Variants in ASNS observed in about 807,000 individuals in gnomAD.
ASNS encodes the protein asparagine synthetase (glutamine-hydrolyzing).
In ASNS, 37 loss-of-function variants were observed where a neutral mutation model predicts 62.6. The ratio of observed to expected loss-of-function variants is 0.59; its 90% CI spans 0.45 to 0.78. The LOEUF (loss-of-function observed/expected upper bound fraction) is 0.78, where lower values mean the gene tolerates loss of function less well. Ranked by LOEUF, ASNS falls within the 30% of genes least tolerant of loss-of-function variation. ASNS has a pLI of 0.00. For missense variants in ASNS, 520 were observed against 682.4 expected, an observed-to-expected ratio of 0.76 and a Z score of 2.65; for synonymous variants, 207 against 237.9, an observed-to-expected ratio of 0.87 and a Z score of 1.19.
chr7:97,893,928 A>C, the ASNS span, among the ~76,000 whole-genome samples: 51 of 152,418 alleles, frequency 3.3e-4, no homozygotes, highest in African/African-American at 1.1e-3. Flanking sequence ...ATATACAATC[A>C]TCTCATCAAC....
the ASNS span, chr7:97,928,320 G>C: frequency 7.2e-7 from 1 of 1,385,016 alleles, no homozygotes; most frequent in Non-Finnish European, 9.8e-7. Flanking sequence ...GGCTCTGCCT[G>C]CATTTGGGGA....
intron 1 of ASNS, chr7:97,870,121 G>C: frequency 2.3e-6 from 1 of 442,032 alleles, no homozygotes; most frequent in Non-Finnish European, 3.7e-6. Context: ...TGAAATAAAG[G>C]GCTGTTTTAT....
the ASNS span, among the ~76,000 whole-genome samples, chr7:97,904,262 G>A: frequency 1.5e-4 from 22 of 145,804 alleles, no homozygotes; most frequent in Admixed American, 5.6e-4. Flanking sequence ...GGGTAAGAAG[G>A]AACTTTTTTA....
the ASNS span, among the ~76,000 whole-genome samples, chr7:97,895,097 A>G: frequency 1.2e-3 from 184 of 152,394 alleles, 1 homozygote; most frequent in East Asian, 0.033. Context: ...GATACATCAC[A>G]TCAACAAGAT....
the ASNS span, among the ~76,000 whole-genome samples, chr7:97,916,077 G>T: frequency 2.0e-5 from 3 of 146,352 alleles, no homozygotes; most frequent in Admixed American, 6.8e-5. Flanking sequence ...GTCATGATAA[G>T]TATCCAGAAT....
chr7:97,866,790 G>A (rs1382836560), intron 3 of ASNS, among the ~76,000 whole-genome samples: 2 of 152,136 alleles, frequency 1.3e-5, no homozygotes, highest in Non-Finnish European at 2.9e-5. Flanking sequence ...CCAAAAATGG[G>A]CTTTGCCTCC....
At chr7:97,921,601 AG>A in the ASNS span, among the ~76,000 whole-genome samples, 719 of 152,336 alleles carry the variant, frequency 4.7e-3, 2 homozygotes, top group Non-Finnish European at 8.1e-3. Flanking sequence ...GGAGAAGGCA[AG>A]CAGCCCCCAG....
chr7:97,857,331 G>A (rs1371588721), intron 7 of ASNS, among the ~76,000 whole-genome samples: 2 of 152,036 alleles, frequency 1.3e-5, no homozygotes, highest in Admixed American at 1.3e-4. Flanking sequence ...CTCCATAGTG[G>A]GAACTAGGTC....
Position 97,853,297 on chromosome 7 carries a change from T to A in ASNS, c.1320+8A>T, listed in dbSNP as rs377478177. 9 of 1,613,674 alleles carry A rather than the reference T, an allele frequency of 5.6e-6. No individual in the cohort carries two copies. The highest frequency in any genetic ancestry group is 1.7e-5 in the Admixed American group (1 of 59,944). Reference sequence around the variant, plus strand: ...ATGGACAGTTTTACCTTGAGTTGATTTACCTACCTTTGGAATTCTCATTTC... The same window carrying A: ...ATGGACAGTTTTACCTTGAGTTGATATACCTACCTTTGGAATTCTCATTTC... On this transcript the variant is annotated splice_region_variant and intron_variant, in intron 11 of 12. Transcript: ENST00000394308.
chr7:97,878,035 A>G, the ASNS span, among the ~76,000 whole-genome samples: 1 of 152,320 alleles, frequency 6.6e-6, no homozygotes, highest in African/African-American at 2.4e-5. Flanking sequence ...AGCAGCCCAC[A>G]GGTTGTGAGC....
Position 97,858,328 on chromosome 7 carries a change from T to A in ASNS, c.853A>T (p.Thr285Ser). The change falls in exon 7 of 13, where the codon ACA becomes TCA. Residue 285 changes from threonine (T) to serine (S), a missense_variant. Transcript: ENST00000394308. ...KEAQVQYPLQ[T>S]FAIGMEDSPD... is the part of the protein sequence containing the mutation. ...CTGTCTTCCATGCCAATTGCAAATG[T>A]CTGGAGAGGATACTGTACTTGGGCT... 2 of 1,614,014 alleles carry A rather than the reference T, an allele frequency of 1.2e-6. No homozygotes were observed. The highest frequency in any genetic ancestry group is 8.5e-7 in the Non-Finnish European group (1 of 1,180,014).
At chr7:97,872,419 G>A (rs1277480214), upstream of ASNS, 1 of 152,002 alleles carries the variant, frequency 6.6e-6, no homozygotes, top group African/African-American at 2.4e-5. Flanking sequence ...GACGGGCGGC[G>A]AGGCCGCTGG....
intron 4 of ASNS, among the ~76,000 whole-genome samples, chr7:97,861,023 C>CTTTTTTTTTT (rs71108240): frequency 1.7e-5 from 2 of 120,702 alleles, no homozygotes; most frequent in African/African-American, 6.6e-5. Context: ...TCATTTGATC[C>CTTTTTTTTTT]TTTTTTTTTT....
the ASNS span, among the ~76,000 whole-genome samples, chr7:97,916,556 C>A: frequency 1.3e-5 from 2 of 152,290 alleles, no homozygotes; most frequent in South Asian, 4.1e-4. Context: ...GGATCAGGCA[C>A]ACAGGCGGAT....
the ASNS span, among the ~76,000 whole-genome samples, chr7:97,890,522 T>C: frequency 2.0e-5 from 3 of 152,120 alleles, no homozygotes; most frequent in Non-Finnish European, 4.4e-5. Flanking sequence ...AGGGGATGTA[T>C]ACTACAAGTA....
intron 3 of ASNS, among the ~76,000 whole-genome samples, chr7:97,866,696 CA>C (rs1200708567): frequency 6.6e-6 from 1 of 152,180 alleles, no homozygotes; most frequent in Non-Finnish European, 1.5e-5. Flanking sequence ...TATGTATGTG[CA>C]TGACCCATAA....
chr7:97,901,049 A>G, the ASNS span, among the ~76,000 whole-genome samples: 1 of 152,370 alleles, frequency 6.6e-6, no homozygotes. Flanking sequence ...TGTGGGTATG[A>G]AGCACAAAAC....
the ASNS span, among the ~76,000 whole-genome samples, chr7:97,925,683 C>T: frequency 1.3e-5 from 2 of 152,206 alleles, no homozygotes; most frequent in Non-Finnish European, 2.9e-5. Context: ...TGACAATAAC[C>T]TTCCTGATCT....
chr7:97,853,396 G>GA lies in ASNS; in HGVS notation c.1239-11dup, dbSNP rs775218335. 5.3e-5 allele frequency: 85 copies of GA among 1,606,590 alleles called. No homozygotes were observed. In the South Asian group the frequency reaches 9.2e-4, roughly 17 times the overall value. ...GACTCTCAGTTCAAGACTTAAAGGA[G>GA]AAAAGAAGAAAATCTAAATTAAAAT... On this transcript the variant is annotated splice_polypyrimidine_tract_variant and intron_variant, in intron 10 of 12. Coordinates refer to ENST00000394308, the MANE Select transcript of ASNS (RefSeq NM_001673.5).
Sources: gnomAD v4.1 joint callset for allele counts (sites outside exome capture counted in the v4.1 genomes callset) on GRCh38, gnomAD v4.1.1 for gene constraint, MANE v1.5 for transcripts, NCBI Gene and HGNC (gene_info 2026-07-23, HGNC 2026-07-21) for gene names.